MKLN1: variants seen among roughly 807,000 people sequenced by gnomAD.
The protein encoded by MKLN1 is muskelin.
A neutral mutation model predicts 99.0 loss-of-function variants in MKLN1; 18 were observed. The observed-to-expected ratio is 0.18, with a 90% confidence interval of 0.13 to 0.27. MKLN1 has a LOEUF of 0.27. Ranked by LOEUF, MKLN1 falls within the 10% of genes least tolerant of loss-of-function variation. The pLI is 1.00. For missense variants in MKLN1, 621 were observed against 875.9 expected, an observed-to-expected ratio of 0.71 and a Z score of 3.67; for synonymous variants, 288 against 293.2, an observed-to-expected ratio of 0.98 and a Z score of 0.18.
At chr7:131,474,215 A>G (rs1220584086) in intron 16 of MKLN1, among the ~76,000 whole-genome samples, 7 of 152,248 alleles carry the variant, frequency 4.6e-5, no homozygotes, top group African/African-American at 1.7e-4. Context: ...TTTTAAAGAT[A>G]GAACCAACAG....
At chr7:131,195,355 A>G (rs1464787705) in intron 2 of MKLN1, among the ~76,000 whole-genome samples, 3 of 151,960 alleles carry the variant, frequency 2.0e-5, no homozygotes, top group Non-Finnish European at 2.9e-5. Flanking sequence ...TACTAAAAGC[A>G]CAAAAAGTAG....
chr7:131,294,059 G>A (rs1044539707), intron 3 of MKLN1, among the ~76,000 whole-genome samples: 12 of 151,838 alleles, frequency 7.9e-5, no homozygotes, highest in African/African-American at 2.9e-4. Flanking sequence ...GTTGCTAAAA[G>A]TCTGTCTTGG....
intron 2 of MKLN1, among the ~76,000 whole-genome samples, chr7:131,146,971 G>A (rs895250838): frequency 2.6e-5 from 4 of 152,110 alleles, no homozygotes; most frequent in East Asian, 1.9e-4. Flanking sequence ...TAAGTATGAT[G>A]GAAGCAAAGA....
Position 131,493,872 on chromosome 7 carries a change from C to T in MKLN1, c.*6144C>T, listed in dbSNP as rs535541666. 22 of 152,268 alleles carry T rather than the reference C, an allele frequency of 1.4e-4. No individual in the cohort carries two copies. The South Asian group carries it at 1.5e-3, about 10-fold the overall frequency. 9.4% of individuals were successfully genotyped at this position (152,268 alleles called of 1,614,324 possible). A position where few individuals can be genotyped will look rare whatever the true frequency, so the allele number is the denominator to read the frequency against. On this transcript the variant is annotated 3_prime_UTR_variant, in exon 18 of 18. Coordinates refer to ENST00000352689, the MANE Select transcript of MKLN1 (RefSeq NM_013255.5). ...CATCATTCTTCAGTTTCATTCATTACTTAATGAATGCCAAATTAATTGGCA... is the reference window on the plus strand; with the variant it reads ...CATCATTCTTCAGTTTCATTCATTATTTAATGAATGCCAAATTAATTGGCA...
chr7:131,484,964 A>G (rs1797232994), intron 17 of MKLN1, among the ~76,000 whole-genome samples: 1 of 152,120 alleles, frequency 6.6e-6, no homozygotes. Context: ...AGCATGAACT[A>G]TAATAGTGTA....
In MKLN1 at chr7:131,491,523, C is replaced by A. The variant is rs1032318211; in HGVS notation, c.*3795C>A. The A allele has an allele frequency of 3.9e-5, 6 of 152,064 alleles. No individual in the cohort carries two copies. Among genetic ancestry groups the A allele is most frequent in the African/African-American group, 1.4e-4 (6 of 41,414 alleles). 9.4% of individuals were successfully genotyped at this position (152,064 alleles called of 1,614,324 possible). On this transcript the variant is annotated 3_prime_UTR_variant, in exon 18 of 18. Coordinates refer to ENST00000352689, the MANE Select transcript of MKLN1 (RefSeq NM_013255.5). ...GGTTCTAGACCCTGGCTTCTATCTC[C>A]CTGTGATTTGTTTTAATGCTGAAAT... is the stretch of plus-strand genomic sequence containing the variant.
Position 131,489,121 on chromosome 7 carries a change from A to C in MKLN1, c.*1393A>C, listed in dbSNP as rs1393843360. The C allele has an allele frequency of 6.6e-6, 1 of 152,186 alleles. No homozygotes were observed. Among genetic ancestry groups the C allele is most frequent in the African/African-American group, 2.4e-5 (1 of 41,460 alleles). The allele number at this position is 152,186 out of a possible 1,614,324, so 9.4% of individuals were successfully genotyped here. On this transcript the variant is annotated 3_prime_UTR_variant, in exon 18 of 18. Coordinates refer to ENST00000352689, the MANE Select transcript of MKLN1 (RefSeq NM_013255.5). Reference sequence around the variant, plus strand: ...GGAATCAAGTATGTCCCTGAGTAGCAAGATTAGGCCTCACCAAAGAAGAAA... The same window carrying C: ...GGAATCAAGTATGTCCCTGAGTAGCCAGATTAGGCCTCACCAAAGAAGAAA...
chr7:131,455,641 G>A (rs532749928), intron 12 of MKLN1, among the ~76,000 whole-genome samples: 60 of 152,134 alleles, frequency 3.9e-4, no homozygotes, highest in Non-Finnish European at 6.9e-4. Flanking sequence ...GACTGGTTAA[G>A]GTCCTGGCAT....
intron 2 of MKLN1, among the ~76,000 whole-genome samples, chr7:131,148,707 A>T (rs547160179): frequency 5.0e-4 from 76 of 152,262 alleles, no homozygotes; most frequent in Non-Finnish European, 7.9e-4. Flanking sequence ...CCAGGAGGTC[A>T]AGGCTGCAGT....
Position 131,179,643 on chromosome 7 carries a change from C to T in MKLN1, c.-296-23214C>T, listed in dbSNP as rs547479350. Among the ~76,000 whole-genome samples the T allele has an allele frequency of 2.4e-4, 36 of 147,584 alleles. No homozygotes were observed. The East Asian group carries it at 5.5e-3, about 23-fold the overall frequency. ...AGGCTGGAGTGCAGTGGTGCGATCT[C>T]GGCTCACTGCAACCTCCACCTCCTG... On this transcript the variant is annotated intron_variant, in intron 2 of 7. Coordinates refer to the MKLN1 transcript ENST00000416992.
chr7:131,228,207 G>A (rs1797186051), intron 3 of MKLN1, among the ~76,000 whole-genome samples: 1 of 152,144 alleles, frequency 6.6e-6, no homozygotes. Flanking sequence ...GGGACTACAG[G>A]TGTGCACCAC....
chr7:131,439,865 AACACACACACACAC>A (rs57399724), intron 10 of MKLN1, among the ~76,000 whole-genome samples: 5,822 of 146,256 alleles, frequency 0.04, 156 homozygotes, highest in Middle Eastern at 0.07. Flanking sequence ...AAAAGATTTA[AACACACACACACAC>A]ACACACACAC....
At chr7:131,319,066 A>G (rs1168976539) in intron 3 of MKLN1, among the ~76,000 whole-genome samples, 2 of 152,216 alleles carry the variant, frequency 1.3e-5, no homozygotes, top group Non-Finnish European at 2.9e-5. Context: ...AACAACAGAA[A>G]AAGAGGGACT....
chr7:131,271,652 G>A (rs1256367130), intron 3 of MKLN1, among the ~76,000 whole-genome samples: 1 of 151,516 alleles, frequency 6.6e-6, no homozygotes, highest in Non-Finnish European at 1.5e-5. Context: ...GCCGGGCATG[G>A]TTGCTCACGC....
chr7:131,114,938 GAAA>G (rs762049373), intron 1 of MKLN1, among the ~76,000 whole-genome samples: 3 of 121,082 alleles, frequency 2.5e-5, no homozygotes, highest in Non-Finnish European at 5.4e-5. Context: ...TCTGTCTCAA[GAAA>G]AAAAAAAAAA....
At position 131,359,426 on chromosome 7, in the gene MKLN1, A is replaced by G. The variant is rs150479582; in HGVS notation, c.99-15998A>G. Among the ~76,000 whole-genome samples the G allele has an allele frequency of 2.4e-3, 362 of 152,238 alleles. 1 individual carries two copies. The highest frequency in any genetic ancestry group is 8.5e-3 in the African/African-American group (354 of 41,538). On this transcript the variant is annotated intron_variant, in intron 1 of 17. Coordinates refer to ENST00000352689, the MANE Select transcript of MKLN1 (RefSeq NM_013255.5). The stretch of plus-strand genomic sequence containing the variant: ...ATATATTTTATCATCTTCCTTGGTG[A>G]ATATCCTTGTGTGAGCTTGAGAAGA...
intron 3 of MKLN1, among the ~76,000 whole-genome samples, chr7:131,241,556 A>G (rs906536991): frequency 6.6e-6 from 1 of 152,188 alleles, no homozygotes; most frequent in African/African-American, 2.4e-5. Context: ...AAATTTTTAA[A>G]AAGTAGCCAG....
At chr7:131,484,669 A>C (rs969814892) in intron 17 of MKLN1, among the ~76,000 whole-genome samples, 1 of 152,208 alleles carries the variant, frequency 6.6e-6, no homozygotes, top group Non-Finnish European at 1.5e-5. Context: ...GTACTTCTAC[A>C]TACTCAGAAC....
chr7:131,388,761 T>A lies in MKLN1; in HGVS notation c.312-123T>A, dbSNP rs545658710. ...CCCATGTTCAACTACTTGTTTATAT[T>A]GTCTTGGTCATAATATTTTGAGCAT... On this transcript the variant is annotated intron_variant, in intron 3 of 17. Coordinates refer to ENST00000352689, the MANE Select transcript of MKLN1 (RefSeq NM_013255.5). 6 of 590,836 alleles carry A rather than the reference T, an allele frequency of 1.0e-5. No individual in the cohort carries two copies. The South Asian group carries it at 1.5e-4, about 14-fold the overall frequency. 36.6% of individuals were successfully genotyped at this position (590,836 alleles called of 1,614,324 possible). A position where few individuals can be genotyped will look rare whatever the true frequency, so the allele number is the denominator to read the frequency against.
Sources: allele counts gnomAD v4.1 joint callset (sites outside exome capture counted in the v4.1 genomes callset), GRCh38; gene constraint gnomAD v4.1.1; transcripts MANE v1.5; gene names NCBI Gene and HGNC (gene_info 2026-07-23, HGNC 2026-07-21).